EPHA5: variants seen among roughly 807,000 people sequenced by gnomAD.
The protein encoded by EPHA5 is ephrin type-A receptor 5.
Under a neutral mutation model 105.0 loss-of-function variants are expected in EPHA5, and 60 were observed. The observed-to-expected ratio is 0.57, with a 90% confidence interval of 0.46 to 0.71. The LOEUF (loss-of-function observed/expected upper bound fraction) is 0.71. Among genes scored for constraint, EPHA5 ranks in the 30% least tolerant of loss-of-function variants. The pLI, the probability that EPHA5 is intolerant of heterozygous loss-of-function variation, is 0.00. For missense variants in EPHA5, 1,218 were observed against 1,274.7 expected (o/e 0.96, Z 0.68); for synonymous variants, 513 against 449.1 (o/e 1.14, Z -1.80).
intron 3 of EPHA5, among the ~76,000 whole-genome samples, chr4:65,513,998 T>C (rs1248184036): frequency 3.3e-5 from 5 of 152,234 alleles, no homozygotes; most frequent in South Asian, 2.1e-4. Context: ...AAACTATCAG[T>C]AAATTCTTCT....
intron 8 of EPHA5, among the ~76,000 whole-genome samples, chr4:65,388,704 C>A (rs546387912): frequency 6.8e-6 from 1 of 146,558 alleles, no homozygotes; most frequent in Non-Finnish European, 1.5e-5. Flanking sequence ...ATTGTAGATT[C>A]TGGATATTAG....
chr4:65,463,682 CA>C (rs890271260), intron 5 of EPHA5, among the ~76,000 whole-genome samples: 2 of 151,596 alleles, frequency 1.3e-5, no homozygotes, highest in Non-Finnish European at 3.0e-5. Context: ...ATTCAGATGT[CA>C]AAAAAAATAT....
At chr4:65,565,953 G>C (rs1255549809) in intron 3 of EPHA5, among the ~76,000 whole-genome samples, 1 of 151,048 alleles carries the variant, frequency 6.6e-6, no homozygotes, top group East Asian at 1.9e-4. Flanking sequence ...CTTCAAATTT[G>C]GTATGTTAGA....
chr4:65,595,061 A>C (rs1315000553), intron 3 of EPHA5, among the ~76,000 whole-genome samples: 1 of 151,896 alleles, frequency 6.6e-6, no homozygotes, highest in Non-Finnish European at 1.5e-5. Context: ...AGATTTCTGC[A>C]CTGGAAGCTC....
intron 2 of EPHA5, among the ~76,000 whole-genome samples, chr4:65,627,635 A>C (rs1005040340): frequency 2.0e-5 from 3 of 152,300 alleles, no homozygotes; most frequent in African/African-American, 7.2e-5. Context: ...AAGATATCTC[A>C]TGATAGCATT....
intron 3 of EPHA5, among the ~76,000 whole-genome samples, chr4:65,531,859 AC>A (rs1735835548): frequency 6.6e-6 from 1 of 152,178 alleles, no homozygotes; most frequent in Admixed American, 6.5e-5. Context: ...AATTTCACCT[AC>A]CTAGGTCTTT....
At chr4:65,511,472 T>C (rs1490291077) in intron 3 of EPHA5, among the ~76,000 whole-genome samples, 1 of 152,188 alleles carries the variant, frequency 6.6e-6, no homozygotes. Context: ...ATTTCATCAA[T>C]GGGACTACAT....
intron 8 of EPHA5, among the ~76,000 whole-genome samples, chr4:65,381,798 A>G (rs895475756): frequency 5.3e-5 from 8 of 151,760 alleles, no homozygotes; most frequent in Non-Finnish European, 1.0e-4. Context: ...TCAGTTTTCT[A>G]TCAAACAGGT....
intron 5 of EPHA5, among the ~76,000 whole-genome samples, chr4:65,425,941 C>T (rs1176691410): frequency 6.6e-6 from 1 of 152,094 alleles, no homozygotes; most frequent in Non-Finnish European, 1.5e-5. Flanking sequence ...TTCATTGTTG[C>T]TTGCTTAGTC....
intron 5 of EPHA5, among the ~76,000 whole-genome samples, chr4:65,422,175 G>A (rs1724007184): frequency 6.6e-6 from 1 of 152,086 alleles, no homozygotes; most frequent in African/African-American, 2.4e-5. Context: ...TTTAGAATGA[G>A]GGGAGAAGAC....
chr4:65,584,387 T>G (rs889953501), intron 3 of EPHA5, among the ~76,000 whole-genome samples: 1 of 151,836 alleles, frequency 6.6e-6, no homozygotes, highest in Non-Finnish European at 1.5e-5. Context: ...TACAAAATAA[T>G]ATTTCAAATT....
chr4:65,450,572 T>C (rs921329308), intron 5 of EPHA5, among the ~76,000 whole-genome samples: 3 of 152,150 alleles, frequency 2.0e-5, no homozygotes, highest in Non-Finnish European at 4.4e-5. Context: ...GCAAATAATA[T>C]GTGACAATGT....
At chr4:65,579,377 A>AAAT (rs1741387516) in intron 3 of EPHA5, among the ~76,000 whole-genome samples, 12 of 92,272 alleles carry the variant, frequency 1.3e-4, no homozygotes, top group African/African-American at 4.3e-4. Context: ...TATATATATA[A>AAAT]ATATATATAT....
At chr4:65,459,123 G>A (rs1371087853) in intron 5 of EPHA5, among the ~76,000 whole-genome samples, 2 of 151,972 alleles carry the variant, frequency 1.3e-5, no homozygotes, top group Non-Finnish European at 2.9e-5. Context: ...AGTTTAAACT[G>A]GGGCCAATTT....
intron 8 of EPHA5, among the ~76,000 whole-genome samples, chr4:65,377,981 T>A (rs1163159073): frequency 6.6e-6 from 1 of 151,960 alleles, no homozygotes; most frequent in East Asian, 1.9e-4. Context: ...TCATTTAAAA[T>A]CTGTTTTGAA....
rs189921895 is a variant in EPHA5, at chr4:65,392,727, A to G, written c.1793+11647T>C. On this transcript the variant is annotated intron_variant, in intron 8 of 16. Coordinates refer to ENST00000613740, the MANE Select transcript of EPHA5 (RefSeq NM_001281766.3). ...TTAAAGGTGTATTTATGGGTTGAGC[A>G]TTTCATTATGTTTATTTTAGAGATA... is the stretch of plus-strand genomic sequence containing the variant. Among the ~76,000 whole-genome samples, 31 of 152,228 alleles carry G rather than the reference A, an allele frequency of 2.0e-4. No homozygotes were observed. In the East Asian group the frequency reaches 5.2e-3, roughly 26 times the overall value.
At chr4:65,342,935 A>C (rs1721873432) in intron 14 of EPHA5, among the ~76,000 whole-genome samples, 1 of 152,006 alleles carries the variant, frequency 6.6e-6, no homozygotes, top group South Asian at 2.1e-4. Flanking sequence ...AAACGACTGG[A>C]TTAAAACTGG....
chr4:65,633,709 T>C (rs1746855917), intron 2 of EPHA5, among the ~76,000 whole-genome samples: 1 of 151,944 alleles, frequency 6.6e-6, no homozygotes, highest in Non-Finnish European at 1.5e-5. Context: ...ATTGTGGAAA[T>C]TATACTGGGA....
At chr4:65,501,279 C>G (rs953517740) in intron 3 of EPHA5, among the ~76,000 whole-genome samples, 45 of 151,170 alleles carry the variant, frequency 3.0e-4, no homozygotes, top group Non-Finnish European at 5.2e-4. Context: ...GCAAGAGAAA[C>G]AAATAAAAGG....
Sources: allele counts gnomAD v4.1 joint callset (sites outside exome capture counted in the v4.1 genomes callset), GRCh38; gene constraint gnomAD v4.1.1; transcripts MANE v1.5; gene names NCBI Gene and HGNC (gene_info 2026-07-23, HGNC 2026-07-21).